The following NCAPG variants were observed in gnomAD, a reference collection of about 807,000 sequenced individuals.
NCAPG encodes the protein condensin complex subunit 3.
A neutral mutation model predicts 113.1 loss-of-function variants in NCAPG; 69 were observed. The ratio of observed to expected loss-of-function variants is 0.61; its 90% CI spans 0.50 to 0.75. The LOEUF is 0.75. Among genes scored for constraint, NCAPG ranks in the 30% least tolerant of loss-of-function variants. The pLI is 0.00. For missense variants in NCAPG, 1,058 were observed against 1,177.0 expected (o/e 0.90, Z 1.48); for synonymous variants, 370 against 415.8 (o/e 0.89, Z 1.34).
chr4:17,842,114 T>G, intron 19 of NCAPG, 196 bp from the exon 20 acceptor site: 1 of 516,466 alleles, frequency 1.9e-6, no homozygotes, highest in Non-Finnish European at 3.5e-6. Context: ...ACAAAATAAA[T>G]TAAGTTTTAA....
At chr4:17,839,533 G>T in intron 16 of NCAPG, 143 bp from the exon 17 acceptor site, 1 of 525,544 alleles carries the variant, frequency 1.9e-6, no homozygotes. Flanking sequence ...TTGGGGGTAG[G>T]GAGGATGTTA....
In NCAPG at chr4:17,814,837, ATTGC is replaced by A; in HGVS notation, c.545-13_545-10del. ...AATAATTTCATCAGTACTAAAATGT[ATTGC>A]TTTATTTTTAGCATATGCTACTTTG... is the stretch of plus-strand genomic sequence containing the variant. On this transcript the variant is annotated splice_polypyrimidine_tract_variant and intron_variant, in intron 3 of 20. Coordinates refer to ENST00000251496, the MANE Select transcript of NCAPG (RefSeq NM_022346.5). 1 of 1,608,814 alleles carries A rather than the reference ATTGC, an allele frequency of 6.2e-7. No individual in the cohort carries two copies. Among genetic ancestry groups the A allele is most frequent in the South Asian group, 1.1e-5 (1 of 90,656 alleles).
chr4:17,825,268 C>T, intron 10 of NCAPG, 114 bp from the exon 11 acceptor site: 1 of 976,088 alleles, frequency 1.0e-6, no homozygotes, highest in Middle Eastern at 3.3e-4. Flanking sequence ...TTTGCATATG[C>T]CTGACTCATT....
At chr4:17,839,648 T>G in intron 16 of NCAPG, 28 bp from the exon 17 acceptor site, 1 of 1,427,464 alleles carries the variant, frequency 7.0e-7, no homozygotes, top group Non-Finnish European at 9.3e-7. Flanking sequence ...ATCTTCAATT[T>G]ACAGAGAATT....
intron 14 of NCAPG, among the ~76,000 whole-genome samples, chr4:17,835,938 T>C (rs1722076474): frequency 1.3e-5 from 2 of 152,224 alleles, no homozygotes; most frequent in African/African-American, 4.8e-5. Context: ...GAACATGGCA[T>C]GTATATGTAT....
rs141078637 is a variant in NCAPG at position 17,830,156 on chromosome 4, A to G, written c.1765-841A>G. Among the ~76,000 whole-genome samples the G allele has an allele frequency of 2.4e-3, 366 of 152,216 alleles. 1 individual carries two copies. The highest frequency in any genetic ancestry group is 7.9e-3 in the African/African-American group (327 of 41,538). On this transcript the variant is annotated intron_variant, in intron 12 of 20. Transcript: ENST00000251496. ...ACACCTGTAATCCTAGTACATTGGG[A>G]GGCCAAGGCGGGATGGCTTGAGCTC...
At chr4:17,817,571 G>T in intron 6 of NCAPG, 118 bp downstream of exon 6, 1 of 822,196 alleles carries the variant, frequency 1.2e-6, no homozygotes, top group Non-Finnish European at 1.8e-6. Context: ...ACTCTCTTTT[G>T]TTTTCTTTTA....
chr4:17,821,886 T>A (rs1721471323), intron 7 of NCAPG, among the ~76,000 whole-genome samples: 1 of 152,184 alleles, frequency 6.6e-6, no homozygotes, highest in African/African-American at 2.4e-5. Context: ...TAGCTTTTTT[T>A]ATTCCACACA....
At chr4:17,812,694 AC>A in intron 2 of NCAPG, among the ~76,000 whole-genome samples, 1 of 152,322 alleles carries the variant, frequency 6.6e-6, no homozygotes, top group South Asian at 2.1e-4. Context: ...TACAAAGAGG[AC>A]TATGTAACTT....
At chr4:17,815,385 A>C in intron 5 of NCAPG, 27 bp downstream of exon 5, 14 of 1,520,876 alleles carry the variant, frequency 9.2e-6, no homozygotes, top group Non-Finnish European at 1.2e-5. Flanking sequence ...TATATATACA[A>C]AACTTTAGTA....
chr4:17,834,667 G>A (rs1305881207), intron 14 of NCAPG, 144 bp downstream of exon 14: 2 of 531,192 alleles, frequency 3.8e-6, no homozygotes, highest in Non-Finnish European at 6.1e-6. Context: ...GTATACATGT[G>A]CCATGGTGGT....
At chr4:17,815,105 G>A (rs532155146) in intron 4 of NCAPG, 107 bp downstream of exon 4, 3 of 1,444,638 alleles carry the variant, frequency 2.1e-6, no homozygotes, top group Non-Finnish European at 2.8e-6. Flanking sequence ...CTTCAGTTGA[G>A]GTTTTATGGA....
chr4:17,840,624 T>C lies in NCAPG; in HGVS notation c.2785T>C (p.Tyr929His). The C allele has an allele frequency of 2.0e-6, 3 of 1,534,950 alleles. No homozygotes were observed. Among genetic ancestry groups the C allele is most frequent in the Non-Finnish European group, 2.6e-6 (3 of 1,141,668 alleles). ...TTTAATAGAAAAGAATAAAGAAGTA[T>C]ATATGACTCCACTCAGGGGTGTAAA... is the stretch of plus-strand genomic sequence containing the variant. Reference protein sequence around the residue: ...QNEDEKNKEVYMTPLRGVKAT... With the variant: ...QNEDEKNKEVHMTPLRGVKAT... The change falls in exon 19 of 21, where the codon TAT (tyrosine) becomes CAT (histidine). Residue 929 changes from tyrosine (Y) to histidine (H), a missense_variant. Physicochemically the swap from Tyr to His is moderately conservative, Grantham distance 83. Coordinates refer to ENST00000251496, the MANE Select transcript of NCAPG (RefSeq NM_022346.5).
At position 17,825,487 on chromosome 4, in the gene NCAPG, G is replaced by T. The variant is rs767634927; in HGVS notation, c.1579G>T (p.Ala527Ser). 6.2e-7 allele frequency: 1 copy of T among 1,609,750 alleles called. No individual in the cohort carries two copies. The highest frequency in any genetic ancestry group is 1.1e-5 in the South Asian group (1 of 90,546). The change falls in exon 11 of 21, where the codon GCA (alanine) becomes TCA (serine). Residue 527 changes from alanine to serine, a missense_variant. Physicochemically the swap from Ala to Ser is moderately conservative, Grantham distance 99. Coordinates refer to ENST00000251496, the MANE Select transcript of NCAPG (RefSeq NM_022346.5). ...RASELKEEIK[A>S]LEDARINLLK... The stretch of plus-strand genomic sequence containing the variant: ...ATCAGAATTAAAAGAAGAAATAAAA[G>T]CATTAGAAGATGCCAGAATAAACCT...
chr4:17,840,610 A>G lies in NCAPG; in HGVS notation c.2771A>G (p.Lys924Arg). 6.8e-7 allele frequency: 1 copy of G among 1,463,160 alleles called. No individual in the cohort carries two copies. The highest frequency in any genetic ancestry group is 9.1e-7 in the Non-Finnish European group (1 of 1,102,588). 90.6% of individuals were successfully genotyped at this position (1,463,160 alleles called of 1,614,324 possible). ...GTTGTATTATTCCCTTTAATAGAAAAGAATAAAGAAGTATATATGACTCCA... is the reference window on the plus strand; with the variant it reads ...GTTGTATTATTCCCTTTAATAGAAAGGAATAAAGAAGTATATATGACTCCA... ...TTTTFQNEDE[K>R]NKEVYMTPLR... Residue 924 changes from lysine to arginine, a missense_variant, in exon 19 of 21, where the codon AAG becomes AGG. Lys to Arg is a conservative substitution (Grantham distance 26, BLOSUM62 2). Coordinates refer to ENST00000251496, the MANE Select transcript of NCAPG (RefSeq NM_022346.5).
intron 13 of NCAPG, among the ~76,000 whole-genome samples, chr4:17,832,365 A>G (rs1721898520): frequency 1.3e-5 from 2 of 152,186 alleles, no homozygotes. Flanking sequence ...TTTGAAAATA[A>G]AGTCTAAGAT....
chr4:17,817,228 C>G (rs1297093683), intron 5 of NCAPG, 33 bp from the exon 6 acceptor site: 1 of 1,534,226 alleles, frequency 6.5e-7, no homozygotes, highest in South Asian at 1.2e-5. Flanking sequence ...TAGAGGGAGC[C>G]TTTGTTCACC....
At chr4:17,815,813 C>T (rs932247139) in intron 5 of NCAPG, among the ~76,000 whole-genome samples, 2 of 152,098 alleles carry the variant, frequency 1.3e-5, no homozygotes, top group Admixed American at 6.5e-5. Context: ...TGTGAGCCAC[C>T]GCGTCTGGCC....
chr4:17,815,250 C>A, intron 4 of NCAPG, 24 bp from the exon 5 acceptor site: 1 of 1,562,972 alleles, frequency 6.4e-7, no homozygotes. Flanking sequence ...AGGTTAATGA[C>A]CATCTTTATA....
Sources: gnomAD v4.1 joint callset for allele counts (sites outside exome capture counted in the v4.1 genomes callset) on GRCh38, gnomAD v4.1.1 for gene constraint, MANE v1.5 for transcripts, NCBI Gene and HGNC (gene_info 2026-07-23, HGNC 2026-07-21) for gene names.